KCTD8: variants seen among roughly 807,000 people sequenced by gnomAD.
The protein encoded by KCTD8 is potassium channel tetramerization domain containing 8, also known as BTB/POZ domain-containing protein KCTD8.
KCTD8 carries 27 observed loss-of-function variants against 31.5 expected under a neutral mutation model. The ratio of observed to expected loss-of-function variants is 0.86; its 90% CI spans 0.63 to 1.18. The LOEUF (loss-of-function observed/expected upper bound fraction) is 1.18, where lower values mean the gene tolerates loss of function less well. KCTD8 is among the 50% of genes most tolerant of loss of function. The pLI is 0.00. For missense variants in KCTD8, 658 were observed against 647.7 expected (o/e 1.02, Z -0.17); for synonymous variants, 290 against 280.0 (o/e 1.04, Z -0.36).
chr4:44,366,978 G>A (rs1719655029), intron 1 of KCTD8, among the ~76,000 whole-genome samples: 1 of 152,080 alleles, frequency 6.6e-6, no homozygotes, highest in Non-Finnish European at 1.5e-5. Context: ...ATGTTTTAAA[G>A]CCCTGCATGA....
intron 1 of KCTD8, among the ~76,000 whole-genome samples, chr4:44,333,011 T>A (rs1383632083): frequency 6.6e-6 from 1 of 152,052 alleles, no homozygotes; most frequent in Admixed American, 6.6e-5. Context: ...TTCATTTCAA[T>A]ACACCTGCTA....
chr4:44,318,338 C>T (rs1290941924), intron 1 of KCTD8, among the ~76,000 whole-genome samples: 3 of 152,106 alleles, frequency 2.0e-5, no homozygotes, highest in Non-Finnish European at 4.4e-5. Context: ...TCAAGCAATC[C>T]TCCTGTCCCA....
chr4:44,337,919 T>C (rs1198168451), intron 1 of KCTD8, among the ~76,000 whole-genome samples: 1 of 151,916 alleles, frequency 6.6e-6, no homozygotes, highest in African/African-American at 2.4e-5. Context: ...TATTACAATA[T>C]ATGCAATATT....
At chr4:44,219,065 C>T (rs990585971) in intron 1 of KCTD8, among the ~76,000 whole-genome samples, 5 of 152,226 alleles carry the variant, frequency 3.3e-5, no homozygotes, top group Admixed American at 6.5e-5. Context: ...TCACTCACCT[C>T]GAAAAGTATT....
intron 1 of KCTD8, among the ~76,000 whole-genome samples, chr4:44,178,788 GA>G (rs1394393755): frequency 6.6e-6 from 1 of 151,966 alleles, no homozygotes; most frequent in Non-Finnish European, 1.5e-5. Context: ...CTGGGAGGAA[GA>G]AAAAAATGCT....
intron 1 of KCTD8, among the ~76,000 whole-genome samples, chr4:44,222,469 G>A (rs1714835490): frequency 6.6e-6 from 1 of 152,176 alleles, no homozygotes. Context: ...TGTAGGATTA[G>A]TAATCAGAGA....
chr4:44,307,695 T>C (rs1717842172), intron 1 of KCTD8, among the ~76,000 whole-genome samples: 1 of 151,910 alleles, frequency 6.6e-6, no homozygotes, highest in Admixed American at 6.6e-5. Flanking sequence ...CAAGAGAAAA[T>C]ACTCTGTTTC....
At chr4:44,203,539 G>A (rs1480236225) in intron 1 of KCTD8, among the ~76,000 whole-genome samples, 2 of 147,492 alleles carry the variant, frequency 1.4e-5, no homozygotes, top group African/African-American at 2.5e-5. Flanking sequence ...AATGAGCTAA[G>A]CATTCAACTA....
At chr4:44,303,821 A>T (rs1024138350) in intron 1 of KCTD8, among the ~76,000 whole-genome samples, 6 of 152,090 alleles carry the variant, frequency 3.9e-5, no homozygotes, top group African/African-American at 1.2e-4. Flanking sequence ...TGAGAAAAAA[A>T]AAATGAAAAA....
chr4:44,193,884 A>G (rs75499512), intron 1 of KCTD8, among the ~76,000 whole-genome samples: 4,888 of 152,248 alleles, frequency 0.032, 260 homozygotes, highest in African/African-American at 0.11. Flanking sequence ...AAGAAACATT[A>G]TAAGAAGCAA....
chr4:44,234,402 T>G (rs2109353866), intron 1 of KCTD8, among the ~76,000 whole-genome samples: 1 of 152,278 alleles, frequency 6.6e-6, no homozygotes, highest in Non-Finnish European at 1.5e-5. Context: ...GCTCCCTGTG[T>G]TCTGAAGATG....
intron 1 of KCTD8, among the ~76,000 whole-genome samples, chr4:44,380,057 C>T (rs1402494769): frequency 6.6e-6 from 1 of 151,868 alleles, no homozygotes; most frequent in Non-Finnish European, 1.5e-5. Flanking sequence ...ACTGACATAG[C>T]CATAGATATA....
chr4:44,187,497 C>T (rs1713623410), intron 1 of KCTD8, among the ~76,000 whole-genome samples: 1 of 152,224 alleles, frequency 6.6e-6, no homozygotes, highest in African/African-American at 2.4e-5. Flanking sequence ...CTGCTCCTTC[C>T]AAGGTTCCCA....
chr4:44,359,489 C>T (rs1310444164), intron 1 of KCTD8, among the ~76,000 whole-genome samples: 2 of 152,110 alleles, frequency 1.3e-5, no homozygotes, highest in South Asian at 2.1e-4. Context: ...TATACCTTAG[C>T]GACAGAGAAG....
At chr4:44,399,822 T>C (rs1203576244) in intron 1 of KCTD8, among the ~76,000 whole-genome samples, 1 of 152,154 alleles carries the variant, frequency 6.6e-6, no homozygotes, top group African/African-American at 2.4e-5. Context: ...TATGTTTCCC[T>C]CCCTCCAATT....
intron 1 of KCTD8, among the ~76,000 whole-genome samples, chr4:44,385,978 A>C (rs1720200779): frequency 6.6e-6 from 1 of 151,616 alleles, no homozygotes; most frequent in South Asian, 2.1e-4. Context: ...TCACTAAAAA[A>C]ATGCAAATCA....
At chr4:44,375,963 T>A (rs1719905997) in intron 1 of KCTD8, among the ~76,000 whole-genome samples, 1 of 152,122 alleles carries the variant, frequency 6.6e-6, no homozygotes, top group Admixed American at 6.6e-5. Flanking sequence ...CCTTACTCAT[T>A]CATTTTCTTC....
intron 1 of KCTD8, among the ~76,000 whole-genome samples, chr4:44,425,298 T>C (rs1465746003): frequency 6.6e-6 from 1 of 152,034 alleles, no homozygotes; most frequent in Non-Finnish European, 1.5e-5. Flanking sequence ...TTACTAATGT[T>C]GTCCTACCTG....
intron 1 of KCTD8, among the ~76,000 whole-genome samples, chr4:44,344,505 T>C (rs552738568): frequency 1.3e-4 from 20 of 152,274 alleles, no homozygotes; most frequent in African/African-American, 4.3e-4. Context: ...ACTAAACTAA[T>C]TGTATTTTTC....
Sources: allele counts gnomAD v4.1 joint callset (sites outside exome capture counted in the v4.1 genomes callset), GRCh38; gene constraint gnomAD v4.1.1; transcripts MANE v1.5; gene names NCBI Gene and HGNC (gene_info 2026-07-23, HGNC 2026-07-21).